The following CDKAL1 variants were observed in gnomAD, a reference collection of about 807,000 sequenced individuals.
CDKAL1 encodes threonylcarbamoyladenosine tRNA methylthiotransferase.
Under a neutral mutation model 68.2 loss-of-function variants are expected in CDKAL1, and 32 were observed. The ratio of observed to expected loss-of-function variants is 0.47; its 90% CI spans 0.35 to 0.63. The LOEUF is 0.63. CDKAL1 is among the 30% of genes least tolerant of loss of function. CDKAL1 has a pLI of 0.00. For missense variants in CDKAL1, 606 were observed against 696.7 expected (o/e 0.87, Z 1.47); for synonymous variants, 234 against 244.3 (o/e 0.96, Z 0.39).
chr6:20,698,389 T>G (rs1771197934), intron 5 of CDKAL1, among the ~76,000 whole-genome samples: 1 of 152,224 alleles, frequency 6.6e-6, no homozygotes, highest in Non-Finnish European at 1.5e-5. Flanking sequence ...TACATTCCCG[T>G]TAACTCAATG....
intron 9 of CDKAL1, among the ~76,000 whole-genome samples, chr6:20,853,398 A>C (rs536429475): frequency 9.3e-5 from 3 of 32,304 alleles, no homozygotes; most frequent in African/African-American, 1.5e-4. Flanking sequence ...AAACAAAAAA[A>C]AAACAAAAAA....
intron 12 of CDKAL1, among the ~76,000 whole-genome samples, chr6:21,108,167 C>A (rs921283434): frequency 1.3e-5 from 2 of 151,734 alleles, no homozygotes; most frequent in African/African-American, 2.4e-5. Flanking sequence ...ATGAAATCTT[C>A]TAGGAAGAGG....
At chr6:20,963,309 T>TA (rs56292622) in intron 10 of CDKAL1, among the ~76,000 whole-genome samples, 14,259 of 142,952 alleles carry the variant, frequency 0.1, 1,076 homozygotes, top group African/African-American at 0.22. Flanking sequence ...GCCCTTCCAC[T>TA]AAAAAAAAAA....
chr6:20,815,888 A>C (rs1358914000), intron 8 of CDKAL1, among the ~76,000 whole-genome samples: 1 of 152,172 alleles, frequency 6.6e-6, no homozygotes, highest in Non-Finnish European at 1.5e-5. Flanking sequence ...AAAATATCAC[A>C]ACCTGGGTGG....
chr6:20,649,305 A>G lies in CDKAL1; in HGVS notation c.299A>G (p.Asp100Gly), dbSNP rs1469009556. The change falls in exon 5 of 16, where the codon GAT becomes GGT. Residue 100 changes from aspartate (D) to glycine (G), a missense_variant. Transcript: ENST00000274695. ...ATTTTTTTAATAGAAAATGCATCCG[A>G]TGCAGATTTATGGCTCCTGAACAGT... is the stretch of plus-strand genomic sequence containing the variant. ...YGYKITENAS[D>G]ADLWLLNSCT... The G allele has an allele frequency of 6.2e-7, 1 of 1,606,848 alleles. No homozygotes were observed. Among genetic ancestry groups the G allele is most frequent in the Admixed American group, 1.7e-5 (1 of 57,950 alleles).
intron 13 of CDKAL1, among the ~76,000 whole-genome samples, chr6:21,163,976 G>T (rs1356470823): frequency 6.6e-6 from 1 of 151,798 alleles, no homozygotes; most frequent in African/African-American, 2.4e-5. Flanking sequence ...AAAAGAAAAA[G>T]AAATAATGTG....
intron 5 of CDKAL1, among the ~76,000 whole-genome samples, chr6:20,660,562 G>A (rs2127770455): frequency 6.6e-6 from 1 of 152,298 alleles, no homozygotes; most frequent in South Asian, 2.1e-4. Context: ...TAGTCACCTG[G>A]TCATGCTGGC....
At chr6:21,002,697 G>T (rs1767492170) in intron 11 of CDKAL1, among the ~76,000 whole-genome samples, 1 of 151,532 alleles carries the variant, frequency 6.6e-6, no homozygotes. Flanking sequence ...TGCCAATAAA[G>T]TGATCCTAGG....
intron 8 of CDKAL1, among the ~76,000 whole-genome samples, chr6:20,787,686 A>T (rs143048537): frequency 2.0e-4 from 30 of 152,312 alleles, no homozygotes; most frequent in Admixed American, 3.3e-4. Flanking sequence ...CTGGAGTGAG[A>T]GTGTGTCAGG....
At chr6:20,629,857 T>C (rs1767595982) in intron 4 of CDKAL1, among the ~76,000 whole-genome samples, 1 of 151,970 alleles carries the variant, frequency 6.6e-6, no homozygotes, top group African/African-American at 2.4e-5. Context: ...CTCATACTTT[T>C]TTATTTTTTA....
chr6:21,052,068 G>C (rs150850375), intron 11 of CDKAL1, among the ~76,000 whole-genome samples: 2 of 152,204 alleles, frequency 1.3e-5, no homozygotes, highest in African/African-American at 4.8e-5. Flanking sequence ...AAATGTTTTA[G>C]TGTTTTTTCT....
intron 11 of CDKAL1, among the ~76,000 whole-genome samples, chr6:21,053,325 A>C (rs2150914683): frequency 6.6e-6 from 1 of 152,336 alleles, no homozygotes; most frequent in East Asian, 1.9e-4. Context: ...ATTTGTAAGT[A>C]ATTTCCACAT....
intron 15 of CDKAL1, among the ~76,000 whole-genome samples, chr6:21,228,615 C>G (rs1194013771): frequency 6.6e-6 from 1 of 152,158 alleles, no homozygotes; most frequent in Non-Finnish European, 1.5e-5. Context: ...ATTATTCACT[C>G]GATCAGTCAT....
chr6:20,735,537 T>C (rs1773154181), intron 5 of CDKAL1, among the ~76,000 whole-genome samples: 1 of 152,200 alleles, frequency 6.6e-6, no homozygotes, highest in Non-Finnish European at 1.5e-5. Flanking sequence ...TCCCGTGATA[T>C]GTGAGTATTA....
intron 13 of CDKAL1, chr6:21,135,554 G>A (rs1390493320): frequency 3.9e-6 from 1 of 253,260 alleles, no homozygotes; most frequent in Non-Finnish European, 6.2e-6. Flanking sequence ...TAGAGTTTAC[G>A]GGAGAGGTTA....
At chr6:20,784,162 G>A (rs941761497) in intron 8 of CDKAL1, among the ~76,000 whole-genome samples, 4 of 150,690 alleles carry the variant, frequency 2.7e-5, no homozygotes, top group South Asian at 2.1e-4. Flanking sequence ...GCAGTGAGCT[G>A]AGATCGTGCC....
At chr6:20,919,219 G>A (rs1375112010) in intron 9 of CDKAL1, among the ~76,000 whole-genome samples, 1 of 152,090 alleles carries the variant, frequency 6.6e-6, no homozygotes, top group African/African-American at 2.4e-5. Flanking sequence ...TTAGAACTGG[G>A]CACTAGGCAC....
intron 2 of CDKAL1, among the ~76,000 whole-genome samples, chr6:20,543,989 C>T (rs1351805177): frequency 1.3e-5 from 2 of 151,982 alleles, no homozygotes; most frequent in East Asian, 1.9e-4. Context: ...CCACACGCCT[C>T]GGCCTGCCAG....
intron 9 of CDKAL1, among the ~76,000 whole-genome samples, chr6:20,928,813 A>T (rs986845692): frequency 2.0e-5 from 3 of 151,462 alleles, no homozygotes; most frequent in Non-Finnish European, 2.9e-5. Context: ...GATTATAGAC[A>T]TGAGCCACTG....
Sources: allele counts gnomAD v4.1 joint callset (sites outside exome capture counted in the v4.1 genomes callset), GRCh38; gene constraint gnomAD v4.1.1; transcripts MANE v1.5; gene names NCBI Gene and HGNC (gene_info 2026-07-23, HGNC 2026-07-21).